Variants in ARHGAP15 observed in about 807,000 individuals in gnomAD.
The protein encoded by ARHGAP15 is rho GTPase-activating protein 15.
A neutral mutation model predicts 63.7 loss-of-function variants in ARHGAP15; 51 were observed. The observed-to-expected ratio is 0.80, with a 90% confidence interval of 0.64 to 1.01. ARHGAP15 has a LOEUF of 1.01. ARHGAP15 is among the 50% of genes least tolerant of loss of function. The probability of loss-of-function intolerance (pLI) is 0.00; values close to 1 mark genes in which losing one functional copy is unlikely to be tolerated. For synonymous variants in ARHGAP15, 191 were observed against 193.8 expected (o/e 0.99, Z 0.12); for missense variants, 560 against 564.6 (o/e 0.99, Z 0.08).
At chr2:143,324,197 A>G (rs980852163) in intron 6 of ARHGAP15, among the ~76,000 whole-genome samples, 8 of 152,210 alleles carry the variant, frequency 5.3e-5, no homozygotes, top group African/African-American at 1.9e-4. Context: ...AACTACAAGG[A>G]GAACAAAGAT....
intron 6 of ARHGAP15, among the ~76,000 whole-genome samples, chr2:143,396,761 C>G (rs1687779608): frequency 6.6e-6 from 1 of 151,908 alleles, no homozygotes; most frequent in Non-Finnish European, 1.5e-5. Flanking sequence ...CCAAATGGCT[C>G]AAGCATATTC....
intron 5 of ARHGAP15, among the ~76,000 whole-genome samples, chr2:143,240,401 AT>A (rs1174719801): frequency 1.3e-5 from 2 of 152,188 alleles, no homozygotes; most frequent in Non-Finnish European, 2.9e-5. Context: ...TCAGAAAGCT[AT>A]TCATGAATTA....
chr2:143,547,582 T>C (rs1468270174), intron 10 of ARHGAP15, among the ~76,000 whole-genome samples: 2 of 148,174 alleles, frequency 1.3e-5, no homozygotes, highest in Admixed American at 1.4e-4. Context: ...AAAAAAAAAT[T>C]GGTTAGATAT....
intron 11 of ARHGAP15, among the ~76,000 whole-genome samples, chr2:143,579,890 T>G (rs1274999676): frequency 2.7e-5 from 4 of 149,904 alleles, no homozygotes; most frequent in Admixed American, 2.6e-4. Context: ...TTTTTATTTT[T>G]ATTTATTTAT....
At chr2:143,714,622 T>C (rs1574878590) in intron 13 of ARHGAP15, among the ~76,000 whole-genome samples, 1 of 152,378 alleles carries the variant, frequency 6.6e-6, no homozygotes, top group South Asian at 2.1e-4. Flanking sequence ...AGAATGCTTT[T>C]ACAGCACCTA....
chr2:143,198,012 A>C (rs1015043871), intron 2 of ARHGAP15, among the ~76,000 whole-genome samples: 1 of 151,860 alleles, frequency 6.6e-6, no homozygotes, highest in Non-Finnish European at 1.5e-5. Flanking sequence ...ATATTGCTGG[A>C]GAAACAATAA....
intron 13 of ARHGAP15, among the ~76,000 whole-genome samples, chr2:143,760,705 G>A (rs13391674): frequency 0.02 from 3,026 of 151,972 alleles, 115 homozygotes; most frequent in African/African-American, 0.07. Flanking sequence ...GCCATATAAC[G>A]CTCCTTTGCT....
At chr2:143,255,553 T>C in intron 6 of ARHGAP15, among the ~76,000 whole-genome samples, 1 of 152,156 alleles carries the variant, frequency 6.6e-6, no homozygotes, top group Non-Finnish European at 1.5e-5. Context: ...TGAATATGTC[T>C]TATCTTAAAA....
At position 143,376,199 on chromosome 2, in the gene ARHGAP15, G is replaced by T. The variant is rs1002857114; in HGVS notation, c.475-59402G>T. Among the ~76,000 whole-genome samples, 5 of 152,164 alleles carry T rather than the reference G, an allele frequency of 3.3e-5. No individual in the cohort carries two copies. The East Asian group carries it at 9.6e-4, about 29-fold the overall frequency. ...AAATGAACTAAGCCATTTTAAGATA[G>T]ATTTAAATTACAAAGATAGAAAAGC... On this transcript the variant is annotated intron_variant, in intron 6 of 13. Coordinates refer to ENST00000295095, the MANE Select transcript of ARHGAP15 (RefSeq NM_018460.4).
At chr2:143,522,914 T>C (rs1265768599) in intron 10 of ARHGAP15, among the ~76,000 whole-genome samples, 2 of 152,138 alleles carry the variant, frequency 1.3e-5, no homozygotes, top group Non-Finnish European at 2.9e-5. Flanking sequence ...AGAAATTGCT[T>C]ACTTAAAAAT....
chr2:143,606,975 C>T (rs1269334547), intron 11 of ARHGAP15: 1 of 152,152 alleles, frequency 6.6e-6, no homozygotes, highest in Non-Finnish European at 1.5e-5. Context: ...TGATATAATG[C>T]AACAGTAATT....
intron 13 of ARHGAP15, among the ~76,000 whole-genome samples, chr2:143,718,591 G>A (rs1684913475): frequency 1.3e-5 from 2 of 151,988 alleles, no homozygotes; most frequent in East Asian, 1.9e-4. Flanking sequence ...CTTATTTCTG[G>A]TCATTTCTTC....
intron 5 of ARHGAP15, chr2:143,238,459 TC>T (rs1479275453): frequency 2.6e-5 from 4 of 152,166 alleles, no homozygotes; most frequent in Admixed American, 2.0e-4. Flanking sequence ...ACATCATTGA[TC>T]ATTAGATAAA....
At chr2:143,220,496 C>A (rs1168520890) in intron 4 of ARHGAP15, among the ~76,000 whole-genome samples, 1 of 152,208 alleles carries the variant, frequency 6.6e-6, no homozygotes, top group Non-Finnish European at 1.5e-5. Context: ...CAGGCGTGAG[C>A]AATAGCACCC....
intron 13 of ARHGAP15, among the ~76,000 whole-genome samples, chr2:143,746,204 C>G (rs979391097): frequency 2.0e-5 from 3 of 152,228 alleles, no homozygotes; most frequent in Admixed American, 1.3e-4. Context: ...ATTTTTGATA[C>G]CTTAACCTAA....
At chr2:143,589,765 C>T (rs1319012900) in intron 11 of ARHGAP15, among the ~76,000 whole-genome samples, 2 of 152,052 alleles carry the variant, frequency 1.3e-5, no homozygotes, top group Non-Finnish European at 2.9e-5. Flanking sequence ...GTTCAAAAGA[C>T]TTTTGGAGCT....
At chr2:143,539,766 C>T (rs1425265189) in intron 10 of ARHGAP15, among the ~76,000 whole-genome samples, 5 of 152,012 alleles carry the variant, frequency 3.3e-5, no homozygotes, top group Admixed American at 3.3e-4. Context: ...AATTTCTGTT[C>T]TTTCACATTT....
In ARHGAP15 at chr2:143,396,109, TTC is replaced by T. The variant is rs369646497; in HGVS notation, c.475-39486_475-39485del. Among the ~76,000 whole-genome samples the T allele has an allele frequency of 1.6e-3, 244 of 152,240 alleles. 1 individual carries two copies. The highest frequency in any genetic ancestry group is 5.4e-3 in the African/African-American group (224 of 41,548). On this transcript the variant is annotated intron_variant, in intron 6 of 13. Transcript: ENST00000295095. ...AGACACTGTCAGCTTCTGAGCAAAT[TTC>T]TCTCTTAAAATTTTACCACAAATCA... is the stretch of plus-strand genomic sequence containing the variant.
At chr2:143,549,095 A>G (rs1158656155) in intron 10 of ARHGAP15, among the ~76,000 whole-genome samples, 1 of 152,170 alleles carries the variant, frequency 6.6e-6, no homozygotes, top group African/African-American at 2.4e-5. Context: ...TTAAATATTC[A>G]TAGTTTAATC....
Sources: gnomAD v4.1 joint callset for allele counts (sites outside exome capture counted in the v4.1 genomes callset) on GRCh38, gnomAD v4.1.1 for gene constraint, MANE v1.5 for transcripts, NCBI Gene and HGNC (gene_info 2026-07-23, HGNC 2026-07-21) for gene names.